The following IQGAP2 variants were observed in gnomAD, a reference collection of about 807,000 sequenced individuals.
IQGAP2 encodes the protein IQ motif containing GTPase activating protein 2, also known as ras GTPase-activating-like protein IQGAP2.
Under a neutral mutation model 201.3 loss-of-function variants are expected in IQGAP2, and 173 were observed. The observed-to-expected ratio is 0.86, with a 90% CI of 0.76 to 0.98. IQGAP2 has a LOEUF of 0.98. IQGAP2 is among the 50% of genes least tolerant of loss of function. The probability of loss-of-function intolerance (pLI) is 0.00; values close to 1 mark genes in which losing one functional copy is unlikely to be tolerated. For missense variants in IQGAP2, 1,687 were observed against 1,864.8 expected (o/e 0.90, Z 1.76); for synonymous variants, 675 against 673.9 (o/e 1.00, Z -0.03).
intron 13 of IQGAP2, chr5:76,617,955 G>C: frequency 6.2e-7 from 1 of 1,614,154 alleles, no homozygotes; most frequent in South Asian, 1.1e-5. Flanking sequence ...GGACTCGCAA[G>C]TGTTGTGAAC....
intron 2 of IQGAP2, among the ~76,000 whole-genome samples, chr5:76,479,097 C>A (rs940766835): frequency 2.0e-5 from 3 of 152,092 alleles, no homozygotes; most frequent in African/African-American, 7.2e-5. Context: ...CGCCTTCCCG[C>A]CATGGTTGAT....
intron 2 of IQGAP2, among the ~76,000 whole-genome samples, chr5:76,512,847 T>C (rs1277388968): frequency 1.3e-5 from 2 of 152,036 alleles, no homozygotes; most frequent in Non-Finnish European, 2.9e-5. Flanking sequence ...ACGAGGTCAG[T>C]AGTTCGAGAC....
chr5:76,641,907 C>G (rs185284498), intron 17 of IQGAP2, among the ~76,000 whole-genome samples: 46 of 152,266 alleles, frequency 3.0e-4, no homozygotes, highest in Admixed American at 1.3e-3. Flanking sequence ...CTTTTCCCAC[C>G]TAACTGTAAT....
intron 17 of IQGAP2, among the ~76,000 whole-genome samples, chr5:76,642,728 C>G (rs566933353): frequency 6.6e-6 from 1 of 152,300 alleles, no homozygotes; most frequent in African/African-American, 2.4e-5. Context: ...GAACTGCCCC[C>G]CAGACACAGT....
At chr5:76,666,002 C>G (rs1396586403) in intron 22 of IQGAP2, among the ~76,000 whole-genome samples, 1 of 152,182 alleles carries the variant, frequency 6.6e-6, no homozygotes, top group Admixed American at 6.5e-5. Flanking sequence ...TCCTTCAAAG[C>G]CTGGAGATGC....
intron 2 of IQGAP2, among the ~76,000 whole-genome samples, chr5:76,468,313 A>AG (rs1305912973): frequency 2.0e-5 from 3 of 152,164 alleles, no homozygotes; most frequent in Non-Finnish European, 4.4e-5. Context: ...AAACAAGCCT[A>AG]GGAGGGTTGT....
At chr5:76,427,880 G>A (rs1239768080) in intron 1 of IQGAP2, among the ~76,000 whole-genome samples, 3 of 152,218 alleles carry the variant, frequency 2.0e-5, no homozygotes, top group Admixed American at 6.5e-5. Flanking sequence ...TGTTGTGTGC[G>A]GGGCTGCTCG....
In IQGAP2 at chr5:76,707,449, G is replaced by A; in HGVS notation, c.*136G>A. The A allele has an allele frequency of 1.6e-6, 1 of 632,982 alleles. No individual in the cohort carries two copies. The highest frequency in any genetic ancestry group is 2.8e-6 in the Non-Finnish European group (1 of 357,320). The allele number at this position is 632,982 out of a possible 1,614,324, so 39.2% of individuals were successfully genotyped here. On this transcript the variant is annotated 3_prime_UTR_variant, in exon 36 of 36. Transcript: ENST00000274364. Reference sequence around the variant, plus strand: ...TTTTTAAAACGACCAAAACTGTTCTGAAGAATGTACCCAGGTGCCTTTTTG... The same window carrying A: ...TTTTTAAAACGACCAAAACTGTTCTAAAGAATGTACCCAGGTGCCTTTTTG...
intron 9 of IQGAP2, among the ~76,000 whole-genome samples, chr5:76,596,337 G>C (rs1488277089): frequency 6.6e-6 from 1 of 152,148 alleles, no homozygotes; most frequent in Non-Finnish European, 1.5e-5. Context: ...ATCTCTGTCT[G>C]ATTTGCTCTT....
chr5:76,453,951 C>A (rs962345609), intron 1 of IQGAP2, among the ~76,000 whole-genome samples: 1 of 152,094 alleles, frequency 6.6e-6, no homozygotes, highest in African/African-American at 2.4e-5. Context: ...TTTAAATTGG[C>A]CTTGGAAACT....
intron 1 of IQGAP2, among the ~76,000 whole-genome samples, chr5:76,405,635 C>T (rs1283516268): frequency 2.0e-5 from 3 of 152,190 alleles, no homozygotes; most frequent in African/African-American, 4.8e-5. Context: ...TAGATTTTGG[C>T]GTTAATAGGC....
chr5:76,685,696 TC>T (rs35503932), intron 30 of IQGAP2, among the ~76,000 whole-genome samples: 61,251 of 151,782 alleles, frequency 0.4, 12,752 homozygotes, highest in South Asian at 0.55. Context: ...CTCTCCCCCG[TC>T]CCCCCCAGTG....
intron 16 of IQGAP2, among the ~76,000 whole-genome samples, chr5:76,639,648 A>C (rs1049134619): frequency 4.6e-5 from 7 of 152,240 alleles, no homozygotes; most frequent in Non-Finnish European, 8.8e-5. Flanking sequence ...AGAATCGTTA[A>C]AAGTCAGCAT....
At position 76,573,410 on chromosome 5, in the gene IQGAP2, G is replaced by A. The variant is rs868100893; in HGVS notation, c.382-2283G>A. Among the ~76,000 whole-genome samples the A allele has an allele frequency of 1.2e-4, 19 of 152,188 alleles. 1 individual carries two copies. Among genetic ancestry groups the A allele is most frequent in the Admixed American group, 1.2e-3 (19 of 15,284 alleles). On this transcript the variant is annotated intron_variant, in intron 4 of 35. Coordinates refer to ENST00000274364, the MANE Select transcript of IQGAP2 (RefSeq NM_006633.5). ...ATATTAAGTGCTTACTCTGTGCTCA[G>A]TATCATGCTAGGTGCCAGAAATACA...
rs757841586 is a variant in IQGAP2 at position 76,699,605 on chromosome 5, T to TTCTCTCTC, written c.4368-1422_4368-1415dup. The TTCTCTCTC allele has an allele frequency of 7.5e-4, 37 of 49,532 alleles. 4 individuals are homozygous for TTCTCTCTC. Among genetic ancestry groups the TTCTCTCTC allele is most frequent in the Admixed American group, 1.5e-3 (5 of 3,312 alleles). 3.1% of individuals were successfully genotyped at this position (49,532 alleles called of 1,614,324 possible). A position where few individuals can be genotyped will look rare whatever the true frequency, so the allele number is the denominator to read the frequency against. ...TCATTTGCTTCAGGCTTCTCTCTGT[T>TTCTCTCTC]TCTCTCTCTCTCTCTCTCTCTCTCT... On this transcript the variant is annotated intron_variant, in intron 33 of 35. Coordinates refer to ENST00000274364, the MANE Select transcript of IQGAP2 (RefSeq NM_006633.5).
intron 2 of IQGAP2, among the ~76,000 whole-genome samples, chr5:76,483,161 G>T (rs912955435): frequency 6.6e-6 from 1 of 152,182 alleles, no homozygotes; most frequent in Non-Finnish European, 1.5e-5. Context: ...GCTTTTTATT[G>T]ATAGTGTTTG....
rs1221121906 is a variant in IQGAP2, at chr5:76,695,585, G to C, written c.4125G>C (p.Gln1375His). Residue 1375 changes from glutamine (Q) to histidine (H), a missense_variant, in exon 32 of 36, where the codon CAG becomes CAC. Physicochemically the swap from Gln to His is conservative, Grantham distance 24. Coordinates refer to ENST00000274364, the MANE Select transcript of IQGAP2 (RefSeq NM_006633.5). ...LPLEQKKRKI[Q>H]RNLRTLEQTG... ...TTGAGCAGAAGAAGAGGAAAATCCA[G>C]AGGAATCTTCGGACGTTGGAACAGA... 1 of 1,614,184 alleles carries C rather than the reference G, an allele frequency of 6.2e-7. No individual in the cohort carries two copies. The highest frequency in any genetic ancestry group is 1.1e-5 in the South Asian group (1 of 91,078).
intron 17 of IQGAP2, among the ~76,000 whole-genome samples, chr5:76,645,850 A>G (rs189339812): frequency 6.6e-6 from 1 of 151,642 alleles, no homozygotes. Context: ...AACAGAATGG[A>G]CGAATGGGGT....
intron 2 of IQGAP2, among the ~76,000 whole-genome samples, chr5:76,478,965 G>A (rs72775780): frequency 0.019 from 2,913 of 152,194 alleles, 42 homozygotes; most frequent in Non-Finnish European, 0.028. Context: ...AAACCAGGAG[G>A]TGTTTAGTTA....
Sources: allele counts gnomAD v4.1 joint callset (sites outside exome capture counted in the v4.1 genomes callset), GRCh38; gene constraint gnomAD v4.1.1; transcripts MANE v1.5; gene names NCBI Gene and HGNC (gene_info 2026-07-23, HGNC 2026-07-21).